The following CHD2 variants were observed in gnomAD, a reference collection of about 807,000 sequenced individuals.
The protein encoded by CHD2 is ATP-dependent chromatin remodeler CHD2.
Under a neutral mutation model 243.9 loss-of-function variants are expected in CHD2, and 28 were observed. The ratio of observed to expected loss-of-function variants is 0.11; its 90% CI spans 0.09 to 0.16. CHD2 has a LOEUF of 0.16. CHD2 is among the 10% of genes least tolerant of loss of function. The pLI is 1.00. For synonymous variants in CHD2, 775 were observed against 779.0 expected, an observed-to-expected ratio of 0.99 and a Z score of 0.09; for missense variants, 1,386 against 2,209.8, an observed-to-expected ratio of 0.63 and a Z score of 7.47.
intron 31 of CHD2, 51 bp from the exon 32 acceptor site, chr15:93,000,460 CT>C: frequency 1.3e-6 from 2 of 1,544,076 alleles, no homozygotes; most frequent in Non-Finnish European, 1.8e-6. Flanking sequence ...TTTGGTTATG[CT>C]TTTGAGTGTC....
intron 21 of CHD2, among the ~76,000 whole-genome samples, chr15:92,978,895 A>C (rs1166460728): frequency 6.6e-6 from 1 of 152,238 alleles, no homozygotes; most frequent in Non-Finnish European, 1.5e-5. Flanking sequence ...TTGATGGAAC[A>C]GGCCATAACG....
At chr15:92,949,276 T>C in intron 13 of CHD2, 200 bp downstream of exon 13, 1 of 1,334,214 alleles carries the variant, frequency 7.5e-7, no homozygotes, top group Non-Finnish European at 9.7e-7. Context: ...ACCATTTTAT[T>C]CTGATCTAAA....
intron 2 of CHD2, chr15:92,904,974 T>A: frequency 6.5e-7 from 1 of 1,536,126 alleles, no homozygotes; most frequent in Non-Finnish European, 8.7e-7. Context: ...GTACCGTACA[T>A]TTTCTCAGTT....
intron 37 of CHD2, among the ~76,000 whole-genome samples, chr15:93,018,749 C>T (rs2054493654): frequency 6.6e-6 from 1 of 151,790 alleles, no homozygotes; most frequent in Non-Finnish European, 1.5e-5. Context: ...ACGCCGATTT[C>T]TGCCTCCATC....
chr15:92,922,703 C>A (rs553404530), intron 2 of CHD2, among the ~76,000 whole-genome samples: 2 of 152,224 alleles, frequency 1.3e-5, no homozygotes, highest in African/African-American at 4.8e-5. Flanking sequence ...TTTCCTTGCC[C>A]CCCTCAGAGC....
At chr15:92,991,071 CAGT>C (rs1429074102) in intron 26 of CHD2, among the ~76,000 whole-genome samples, 2 of 152,078 alleles carry the variant, frequency 1.3e-5, no homozygotes, top group African/African-American at 4.8e-5. Context: ...TTGAAGGTAA[CAGT>C]GGTGAACTGA....
chr15:93,001,587 G>A (rs556296751), intron 32 of CHD2, among the ~76,000 whole-genome samples: 8 of 152,244 alleles, frequency 5.3e-5, no homozygotes, highest in Non-Finnish European at 1.0e-4. Flanking sequence ...CGCGATCTGG[G>A]CTCACAGCAG....
intron 33 of CHD2, among the ~76,000 whole-genome samples, chr15:93,003,089 G>A (rs1456466076): frequency 1.3e-5 from 2 of 151,880 alleles, no homozygotes; most frequent in Non-Finnish European, 2.9e-5. Flanking sequence ...TACAGCCTTG[G>A]CAACGTAGGG....
At chr15:92,932,443 T>TCCCCCCCCCCCCCCCC (rs11309319) in intron 5 of CHD2, among the ~76,000 whole-genome samples, 1 of 103,290 alleles carries the variant, frequency 9.7e-6, no homozygotes, top group African/African-American at 3.9e-5. Context: ...CCCTTCCCCC[T>TCCCCCCCCCCCCCCCC]CCCCCCCACC....
At chr15:93,002,416 T>C in intron 33 of CHD2, 99 bp downstream of exon 33, 2 of 1,524,494 alleles carry the variant, frequency 1.3e-6, no homozygotes, top group East Asian at 4.8e-5. Context: ...GGAATAATTG[T>C]CTTTTTATGG....
At chr15:92,950,060 A>G (rs932912488) in intron 13 of CHD2, among the ~76,000 whole-genome samples, 24 of 152,278 alleles carry the variant, frequency 1.6e-4, no homozygotes, top group African/African-American at 5.1e-4. Flanking sequence ...GAATAATAAC[A>G]TTTCCAAATA....
intron 2 of CHD2, chr15:92,904,582 T>C (rs1047844907): frequency 1.3e-4 from 136 of 1,039,496 alleles, no homozygotes; most frequent in South Asian, 4.3e-4. Context: ...CGCCCTTGCC[T>C]GTAGCGGTCC....
chr15:92,940,899 TATAA>T (rs1294100746), intron 7 of CHD2, among the ~76,000 whole-genome samples: 2 of 88,006 alleles, frequency 2.3e-5, no homozygotes, highest in African/African-American at 3.8e-5. Flanking sequence ...TAAAAATATA[TATAA>T]ATATATATAT....
rs764468460 is a variant in CHD2, at chr15:92,939,709, A to G, written c.683A>G (p.Lys228Arg). Residue 228 changes from lysine to arginine, a missense_variant, in exon 7 of 39, where the codon AAA becomes AGA. By Grantham distance (26) the Lys-to-Arg change is conservative (BLOSUM62 2). This residue lies in a region of CHD2 where 200 missense variants were observed against 292.5 expected (regional missense o/e 0.68). Coordinates refer to ENST00000394196, the MANE Select transcript of CHD2 (RefSeq NM_001271.4). Reference sequence around the variant, plus strand: ...AGGCAGACTCGTCGAAGAGCGGCTAAAAACGTTAGGTAAGTTGTACCCCAG... The same window carrying G: ...AGGCAGACTCGTCGAAGAGCGGCTAGAAACGTTAGGTAAGTTGTACCCCAG... ...PKRQTRRRAA[K>R]NVSYKEDDDF... 2.8e-5 allele frequency: 45 copies of G among 1,613,622 alleles called. No homozygotes were observed. The highest frequency in any genetic ancestry group is 3.7e-5 in the Non-Finnish European group (44 of 1,179,950).
intron 16 of CHD2, among the ~76,000 whole-genome samples, chr15:92,961,065 C>G (rs1275249046): frequency 6.6e-6 from 1 of 151,976 alleles, no homozygotes; most frequent in African/African-American, 2.4e-5. Context: ...TAGTCTATAG[C>G]TTTTTGTTTT....
chr15:93,015,120 C>T (rs531636481), intron 37 of CHD2, among the ~76,000 whole-genome samples: 3 of 152,024 alleles, frequency 2.0e-5, no homozygotes, highest in Non-Finnish European at 2.9e-5. Context: ...GCTCTGTCAC[C>T]CAGGCTGGAG....
At chr15:92,924,165 A>G (rs1392553809) in intron 2 of CHD2, 156 bp from the exon 3 acceptor site, 2 of 594,944 alleles carry the variant, frequency 3.4e-6, no homozygotes, top group East Asian at 3.0e-5. Context: ...CAATAACGTT[A>G]TTTGGAATGT....
chr15:92,951,938 T>A (rs1380672029), intron 13 of CHD2, among the ~76,000 whole-genome samples: 2 of 152,234 alleles, frequency 1.3e-5, no homozygotes, highest in African/African-American at 4.8e-5. Context: ...GTCTTGTTTT[T>A]TGAATCAGTT....
intron 10 of CHD2, 41 bp downstream of exon 10, chr15:92,944,556 AG>A: frequency 1.9e-6 from 2 of 1,047,330 alleles, no homozygotes; most frequent in Non-Finnish European, 2.8e-6. Context: ...TTTGAACTTG[AG>A]GAATAGTGGC....
Sources: gnomAD v4.1 joint callset for allele counts (sites outside exome capture counted in the v4.1 genomes callset) on GRCh38, gnomAD v4.1.1 for gene constraint, gnomAD v4.1.1 regional missense constraint, MANE v1.5 for transcripts, NCBI Gene and HGNC (gene_info 2026-07-23, HGNC 2026-07-21) for gene names.